The following KYNU variants were observed in gnomAD, a reference collection of about 807,000 sequenced individuals.
KYNU encodes kynureninase, also known as L-kynurenine hydrolase.
In KYNU, 54 loss-of-function variants were observed where a neutral mutation model predicts 59.2. The ratio of observed to expected loss-of-function variants is 0.91; its 90% confidence interval spans 0.73 to 1.14. The LOEUF is 1.14. KYNU is among the 50% of genes most tolerant of loss of function. KYNU has a pLI of 0.00. For synonymous variants in KYNU, 177 were observed against 192.0 expected, an observed-to-expected ratio of 0.92 and a Z score of 0.65; for missense variants, 567 against 554.4, an observed-to-expected ratio of 1.02 and a Z score of -0.23.
chr2:142,885,578 T>C, intron 2 of KYNU, 42 bp downstream of exon 2: 1 of 1,484,722 alleles, frequency 6.7e-7, no homozygotes, highest in Non-Finnish European at 9.3e-7. Context: ...TTTATTTATT[T>C]ATTTTTGCTA....
intron 2 of KYNU, among the ~76,000 whole-genome samples, chr2:142,899,275 TC>T (rs1407269034): frequency 6.6e-6 from 1 of 152,168 alleles, no homozygotes; most frequent in African/African-American, 2.4e-5. Context: ...CCGATCATTG[TC>T]CCCTTGTTGT....
rs969182882 is a variant in KYNU at position 142,900,273 on chromosome 2, G to A, written c.169+14737G>A. ...GGATCCAGAGAGGTGGAAGTCAGTGGTGGGTCTGCAACGGTGGCAAACAGC... is the reference window on the plus strand; with the variant it reads ...GGATCCAGAGAGGTGGAAGTCAGTGATGGGTCTGCAACGGTGGCAAACAGC... On this transcript the variant is annotated intron_variant, in intron 2 of 13. Coordinates refer to ENST00000264170, the MANE Select transcript of KYNU (RefSeq NM_003937.3). Among the ~76,000 whole-genome samples the A allele has an allele frequency of 2.0e-5, 3 of 152,324 alleles. No individual in the cohort carries two copies. The South Asian group carries it at 6.2e-4, about 32-fold the overall frequency.
intron 12 of KYNU, among the ~76,000 whole-genome samples, chr2:143,039,585 T>C (rs1380932665): frequency 6.6e-6 from 1 of 152,098 alleles, no homozygotes; most frequent in Non-Finnish European, 1.5e-5. Flanking sequence ...AATAACAAGA[T>C]GCAGATGAAC....
chr2:142,890,123 A>T (rs1681665586), intron 2 of KYNU, among the ~76,000 whole-genome samples: 1 of 152,048 alleles, frequency 6.6e-6, no homozygotes, highest in African/African-American at 2.4e-5. Context: ...TAAACAAGCA[A>T]AAGAAAGGAG....
chr2:142,949,204 A>G (rs1683903154), intron 4 of KYNU, among the ~76,000 whole-genome samples: 1 of 152,098 alleles, frequency 6.6e-6, no homozygotes, highest in Admixed American at 6.5e-5. Flanking sequence ...AGCTGCCTTC[A>G]TGGGCTGGTG....
intron 2 of KYNU, among the ~76,000 whole-genome samples, chr2:142,889,248 A>G (rs1478412262): frequency 2.6e-5 from 4 of 152,234 alleles, no homozygotes; most frequent in Non-Finnish European, 4.4e-5. Context: ...AAAGAAATGA[A>G]TAGATGTGAC....
chr2:142,918,083 CAT>C (rs1439341967), intron 2 of KYNU, among the ~76,000 whole-genome samples: 1 of 152,116 alleles, frequency 6.6e-6, no homozygotes, highest in Non-Finnish European at 1.5e-5. Context: ...TTTGCCTATA[CAT>C]GTGTTAGTAC....
intron 10 of KYNU, among the ~76,000 whole-genome samples, chr2:142,993,326 C>A (rs184492228): frequency 8.6e-5 from 13 of 151,982 alleles, no homozygotes; most frequent in African/African-American, 2.9e-4. Flanking sequence ...TTAAAGCCTG[C>A]CTCATTATCA....
At chr2:143,023,568 G>A (rs1686466650) in intron 10 of KYNU, among the ~76,000 whole-genome samples, 1 of 151,762 alleles carries the variant, frequency 6.6e-6, no homozygotes, top group Non-Finnish European at 1.5e-5. Context: ...TGTAATGTTT[G>A]CTTTATGAGT....
At chr2:142,952,924 A>AT (rs1459191427) in intron 4 of KYNU, among the ~76,000 whole-genome samples, 2 of 151,108 alleles carry the variant, frequency 1.3e-5, no homozygotes, top group Non-Finnish European at 2.9e-5. Context: ...TCACCCTGCC[A>AT]TTTTTTTTAA....
At position 142,927,642 on chromosome 2, in the gene KYNU, T is replaced by G; in HGVS notation, c.291-17T>G. On this transcript the variant is annotated splice_polypyrimidine_tract_variant and intron_variant, in intron 3 of 13. Coordinates refer to ENST00000264170, the MANE Select transcript of KYNU (RefSeq NM_003937.3). ...ACATAAAAGCTAAGATATGTTTATGTCCGTTTTCAATTTCAGAGCAGCCTA... is the reference window on the plus strand; with the variant it reads ...ACATAAAAGCTAAGATATGTTTATGGCCGTTTTCAATTTCAGAGCAGCCTA... 1 of 1,592,552 alleles carries G rather than the reference T, an allele frequency of 6.3e-7. No individual in the cohort carries two copies. The highest frequency in any genetic ancestry group is 8.6e-7 in the Non-Finnish European group (1 of 1,160,502).
At chr2:143,002,245 A>G (rs1200091233) in intron 10 of KYNU, among the ~76,000 whole-genome samples, 2 of 152,226 alleles carry the variant, frequency 1.3e-5, no homozygotes, top group Non-Finnish European at 2.9e-5. Context: ...CTTTCTTTGT[A>G]AACAATCATA....
At chr2:142,929,694 A>G (rs975744247) in intron 4 of KYNU, among the ~76,000 whole-genome samples, 10 of 152,146 alleles carry the variant, frequency 6.6e-5, no homozygotes, top group Admixed American at 6.6e-4. Flanking sequence ...AGGTCATAGG[A>G]TTATAGATGG....
intron 4 of KYNU, among the ~76,000 whole-genome samples, chr2:142,940,738 A>G (rs1313892742): frequency 6.6e-6 from 1 of 152,198 alleles, no homozygotes; most frequent in Non-Finnish European, 1.5e-5. Context: ...TATAATTTAT[A>G]TTCTGGCCCA....
rs377612575 is a variant in KYNU, at chr2:143,040,459, G to A, written c.1073G>A (p.Arg358Gln). ...AAGCAAGCGACAATGAAGGCATTGC[G>A]GAAAAAATCTGTTTTGCTAACTGGC... ...IFKQATMKAL[R>Q]KKSVLLTGYL... Residue 358 changes from arginine to glutamine, a missense_variant, in exon 13 of 14, where the codon CGG (arginine) becomes CAG (glutamine). Physicochemically the swap from Arg to Gln is conservative, Grantham distance 43. Transcript: ENST00000264170. The A allele has an allele frequency of 2.9e-5, 46 of 1,612,652 alleles. No individual in the cohort carries two copies. Among genetic ancestry groups the A allele is most frequent in the African/African-American group, 6.7e-5 (5 of 74,788 alleles).
chr2:142,941,315 G>T (rs1177023203), intron 4 of KYNU, among the ~76,000 whole-genome samples: 3 of 152,152 alleles, frequency 2.0e-5, no homozygotes, highest in Non-Finnish European at 4.4e-5. Flanking sequence ...CCTGTACCCT[G>T]AACTGAGAAC....
intron 4 of KYNU, among the ~76,000 whole-genome samples, chr2:142,939,622 A>G: frequency 6.9e-6 from 1 of 144,056 alleles, no homozygotes; most frequent in East Asian, 2.1e-4. Context: ...AAAAAAAAAA[A>G]GAAAAAAGAA....
chr2:142,931,847 G>T (rs544111570), intron 4 of KYNU, among the ~76,000 whole-genome samples: 25 of 152,320 alleles, frequency 1.6e-4, no homozygotes, highest in Non-Finnish European at 3.2e-4. Context: ...TTTGGCTGAT[G>T]AAGGCCGGCC....
intron 10 of KYNU, among the ~76,000 whole-genome samples, chr2:143,028,876 A>T (rs1484481433): frequency 2.6e-5 from 4 of 151,878 alleles, no homozygotes; most frequent in Non-Finnish European, 2.9e-5. Flanking sequence ...ACAAAACAAA[A>T]CAAAAACAAT....
Sources: gnomAD v4.1 joint callset for allele counts (sites outside exome capture counted in the v4.1 genomes callset) on GRCh38, gnomAD v4.1.1 for gene constraint, MANE v1.5 for transcripts, NCBI Gene and HGNC (gene_info 2026-07-23, HGNC 2026-07-21) for gene names.